Variants in RTN1 observed in about 807,000 individuals in gnomAD.
The protein encoded by RTN1 is reticulon 1, also known as reticulon-1.
A neutral mutation model predicts 65.5 loss-of-function variants in RTN1; 25 were observed. The observed-to-expected ratio is 0.38, with a 90% CI of 0.28 to 0.53. RTN1 has a LOEUF of 0.53. Among genes scored for constraint, RTN1 ranks in the 20% least tolerant of loss-of-function variants. The pLI is 0.79. For missense variants in RTN1, 983 were observed against 1,025.4 expected, an observed-to-expected ratio of 0.96 and a Z score of 0.57; for synonymous variants, 471 against 447.6, an observed-to-expected ratio of 1.05 and a Z score of -0.66.
At chr14:59,791,551 C>A (rs1166869718) in intron 1 of RTN1, among the ~76,000 whole-genome samples, 1 of 152,188 alleles carries the variant, frequency 6.6e-6, no homozygotes, top group Non-Finnish European at 1.5e-5. Context: ...GACTAAGGTG[C>A]CTATTCCTCT....
Position 59,749,122 on chromosome 14 carries a change from A to ATCTATC in RTN1, c.242-2642_242-2641insGATAGA, listed in dbSNP as rs1566710831. On this transcript the variant is annotated intron_variant, in intron 1 of 8. Coordinates refer to ENST00000267484, the MANE Select transcript of RTN1 (RefSeq NM_021136.3). ...TATATCTATATATATATATATATAT[A>ATCTATC]TAGATATATCTATATCTATCTATCT... 5.6e-4 allele frequency among the ~76,000 whole-genome samples: 29 copies of ATCTATC among 51,910 alleles called. 1 individual carries two copies. In the East Asian group the frequency reaches 9.1e-3, roughly 16 times the overall value. The allele number at this position is 51,910 out of a possible 152,430, so 34.1% of individuals were successfully genotyped here.
chr14:59,798,848 T>C (rs1187847825), intron 1 of RTN1, among the ~76,000 whole-genome samples: 4 of 152,154 alleles, frequency 2.6e-5, no homozygotes, highest in Non-Finnish European at 5.9e-5. Context: ...ACCACAGTGT[T>C]GAAGTTAATA....
rs1887417528 is a variant in RTN1, at chr14:59,846,697, C to T, written c.241+23693G>A. Among the ~76,000 whole-genome samples the T allele has an allele frequency of 6.6e-6, 1 of 152,058 alleles. No homozygotes were observed. On this transcript the variant is annotated intron_variant, in intron 1 of 8. Transcript: ENST00000267484. This position sits in a 1 kb window ranked among gnomAD's most constrained non-coding sequence, Gnocchi z 4.8. ...ATGCATACATTTATTTGTAATAAAA[C>T]AGTGTTTTGAATGGCTTACTACTGG...
chr14:59,697,637 C>T (rs1884089576), intron 3 of RTN1, among the ~76,000 whole-genome samples: 1 of 152,086 alleles, frequency 6.6e-6, no homozygotes, highest in South Asian at 2.1e-4. Context: ...AGACAAAATG[C>T]AAGGCCTAGT....
chr14:59,695,233 G>A (rs1884039449), intron 3 of RTN1, among the ~76,000 whole-genome samples: 1 of 152,110 alleles, frequency 6.6e-6, no homozygotes, highest in African/African-American at 2.4e-5. Context: ...TCAGAAGAAC[G>A]TTCTCTTTAC....
rs900232356 is a variant in RTN1 at position 59,790,805 on chromosome 14, C to T, written c.242-44324G>A. ...TCATCTTTGAGTTTTGTATCTATTG[C>T]CTTCTGATGTTTAACTCAGTATCTT... On this transcript the variant is annotated intron_variant, in intron 1 of 8. Coordinates refer to ENST00000267484, the MANE Select transcript of RTN1 (RefSeq NM_021136.3). The surrounding 1 kb of genome is among the most constrained non-coding windows in gnomAD (Gnocchi z 4.1). Among the ~76,000 whole-genome samples the T allele has an allele frequency of 2.6e-5, 4 of 151,948 alleles. No homozygotes were observed. Among genetic ancestry groups the T allele is most frequent in the African/African-American group, 9.7e-5 (4 of 41,382 alleles).
At chr14:59,843,323 A>G (rs1461690524) in intron 1 of RTN1, among the ~76,000 whole-genome samples, 1 of 152,222 alleles carries the variant, frequency 6.6e-6, no homozygotes, top group Non-Finnish European at 1.5e-5. Flanking sequence ...ATTGACTAGG[A>G]GAAGTGGTAT....
rs539069061 is a variant in RTN1 at position 59,718,419 on chromosome 14, TTTGGGATG to T, written c.1765+8492_1765+8499del. ...CCTGTTAGTAAAATTTTGATTCACA[TTTGGGATG>T]TTCTTTAGACTTTCTGAAGCTTTTG... On this transcript the variant is annotated intron_variant, in intron 3 of 8. Coordinates refer to ENST00000267484, the MANE Select transcript of RTN1 (RefSeq NM_021136.3). Among the ~76,000 whole-genome samples, 253 of 152,344 alleles carry T rather than the reference TTTGGGATG, an allele frequency of 1.7e-3. 2 individuals are homozygous for T. The highest frequency in any genetic ancestry group is 4.0e-3 in the Admixed American group (61 of 15,304).
intron 3 of RTN1, among the ~76,000 whole-genome samples, chr14:59,628,493 C>T (rs1283551666): frequency 6.6e-6 from 1 of 152,220 alleles, no homozygotes; most frequent in African/African-American, 2.4e-5. Context: ...GAATAATTCA[C>T]TCCTTACAAT....
intron 3 of RTN1, among the ~76,000 whole-genome samples, chr14:59,698,834 C>T (rs572962539): frequency 2.6e-5 from 4 of 152,300 alleles, no homozygotes; most frequent in Admixed American, 2.0e-4. Flanking sequence ...TTCCTGTAAG[C>T]ACTAGACTTA....
chr14:59,834,198 A>T (rs1206510482), intron 1 of RTN1, among the ~76,000 whole-genome samples: 2 of 152,220 alleles, frequency 1.3e-5, no homozygotes, highest in South Asian at 2.1e-4. Context: ...ATCACACATC[A>T]TATACAAAAA....
Position 59,607,396 on chromosome 14 carries a change from A to G in RTN1, c.1862T>C (p.Val621Ala). The change falls in exon 4 of 9, where the codon GTG becomes GCG. Residue 621 changes from valine (V) to alanine (A), a missense_variant. Physicochemically the swap from Val to Ala is moderately conservative, Grantham distance 64. This residue lies in a region of RTN1 where 165 missense variants were observed against 223.6 expected (regional missense o/e 0.74). Coordinates refer to ENST00000267484, the MANE Select transcript of RTN1 (RefSeq NM_021136.3). ...LLFSLTQFSVVSVVAYLALAA... is the reference protein window; with the variant it reads ...LLFSLTQFSVASVVAYLALAA... ...CAGGGCCAGGTAGGCCACGACGCTC[A>G]CCACGCTGAACTGGGTCAGGGAGAA... is the stretch of plus-strand genomic sequence containing the variant. 3 of 1,614,062 alleles carry G rather than the reference A, an allele frequency of 1.9e-6. No individual in the cohort carries two copies. The highest frequency in any genetic ancestry group is 2.5e-6 in the Non-Finnish European group (3 of 1,180,010).
At chr14:59,869,118 C>T (rs1430944070) in intron 1 of RTN1, among the ~76,000 whole-genome samples, 1 of 152,062 alleles carries the variant, frequency 6.6e-6, no homozygotes, top group Non-Finnish European at 1.5e-5. Context: ...AGGATATTGA[C>T]AATTTTTATT....
Position 59,870,556 on chromosome 14 carries a change from C to G in RTN1, c.75G>C (p.Arg25=), listed in dbSNP as rs779652873. Residue 25 remains arginine, a synonymous_variant, in exon 1 of 9, where the codon CGG becomes CGC. Transcript: ENST00000267484. The surrounding 1 kb of genome is among the most constrained non-coding windows in gnomAD (Gnocchi z 5.1). The part of the protein sequence containing the change: ...AGPGSQWLRH[R]GEGENEAVTP... The stretch of plus-strand genomic sequence containing the variant: ...TCACCGCTTCGTTCTCCCCCTCCCC[C>G]CGGTGCCTGAGCCACTGGGACCCGG... 1.2e-5 allele frequency: 18 copies of G among 1,457,520 alleles called. No individual in the cohort carries two copies. Among genetic ancestry groups the G allele is most frequent in the Middle Eastern group, 2.3e-4 (1 of 4,414 alleles). 90.3% of individuals were successfully genotyped at this position (1,457,520 alleles called of 1,614,324 possible).
rs147019048 is a variant in RTN1 at position 59,846,041 on chromosome 14, T to C, written c.241+24349A>G. Reference sequence around the variant, plus strand: ...ATTTAAAAACCTGAGCTTGGAACAATTGCAGAAAAACAGTAATAACAACCC... The same window carrying C: ...ATTTAAAAACCTGAGCTTGGAACAACTGCAGAAAAACAGTAATAACAACCC... On this transcript the variant is annotated intron_variant, in intron 1 of 8. Coordinates refer to ENST00000267484, the MANE Select transcript of RTN1 (RefSeq NM_021136.3). This position sits in a 1 kb window ranked among gnomAD's most constrained non-coding sequence, Gnocchi z 4.8. Among the ~76,000 whole-genome samples, 6 of 152,290 alleles carry C rather than the reference T, an allele frequency of 3.9e-5. No individual in the cohort carries two copies. In the East Asian group the frequency reaches 1.2e-3, roughly 29 times the overall value.
chr14:59,747,563 G>A (rs1011260154), intron 1 of RTN1, among the ~76,000 whole-genome samples: 10 of 152,022 alleles, frequency 6.6e-5, no homozygotes, highest in Admixed American at 6.6e-5. Flanking sequence ...CTGAGATTGC[G>A]CCATTGCACT....
chr14:59,819,414 A>ACCACCCCCCC (rs1886889373), intron 1 of RTN1, among the ~76,000 whole-genome samples: 1 of 31,862 alleles, frequency 3.1e-5, no homozygotes, highest in African/African-American at 3.0e-4. Context: ...CACCACCACC[A>ACCACCCCCCC]CCCCCCCCCC....
intron 3 of RTN1, among the ~76,000 whole-genome samples, chr14:59,668,895 C>A (rs1016084712): frequency 2.0e-5 from 3 of 152,034 alleles, no homozygotes; most frequent in African/African-American, 7.2e-5. Flanking sequence ...CAAATCAGAA[C>A]CACAATGAGA....
chr14:59,714,800 G>A (rs541248454), intron 3 of RTN1, among the ~76,000 whole-genome samples: 16 of 152,174 alleles, frequency 1.1e-4, no homozygotes, highest in South Asian at 4.1e-4. Context: ...ACCCCTGGCC[G>A]CAGACTGGTA....
Sources: allele counts gnomAD v4.1 joint callset (sites outside exome capture counted in the v4.1 genomes callset), GRCh38; gene constraint gnomAD v4.1.1; regional missense constraint gnomAD v4.1.1; non-coding constraint Gnocchi (gnomAD v3.1); transcripts MANE v1.5; gene names NCBI Gene and HGNC (gene_info 2026-07-23, HGNC 2026-07-21).